Variants in MPP7 observed in about 807,000 individuals in gnomAD.
MPP7 encodes the protein MAGUK p55 scaffold protein 7.
MPP7 carries 60 observed loss-of-function variants against 76.5 expected under a neutral mutation model. The ratio of observed to expected loss-of-function variants is 0.78; its 90% CI spans 0.64 to 0.97. The LOEUF is 0.97. Ranked by LOEUF, MPP7 falls within the 50% of genes least tolerant of loss-of-function variation. The probability of loss-of-function intolerance (pLI) is 0.00; values close to 1 mark genes in which losing one functional copy is unlikely to be tolerated. For missense variants in MPP7, 641 were observed against 694.0 expected (o/e 0.92, Z 0.86); for synonymous variants, 237 against 244.5 (o/e 0.97, Z 0.29).
At chr10:28,196,856 TTCAC>T (rs1467589086) in intron 3 of MPP7, among the ~76,000 whole-genome samples, 3 of 152,184 alleles carry the variant, frequency 2.0e-5, no homozygotes, top group African/African-American at 7.2e-5. Context: ...CCATCCAGTC[TTCAC>T]TGTTTACCTC....
intron 2 of MPP7, among the ~76,000 whole-genome samples, chr10:28,325,705 A>G (rs967317193): frequency 6.6e-5 from 10 of 151,582 alleles, no homozygotes; most frequent in African/African-American, 2.4e-4. Flanking sequence ...TGTTGGCCAC[A>G]CTGGTCTCAA....
intron 5 of MPP7, among the ~76,000 whole-genome samples, chr10:28,137,013 C>T (rs1835373080): frequency 6.6e-6 from 1 of 151,974 alleles, no homozygotes; most frequent in Admixed American, 6.6e-5. Flanking sequence ...TCAATGTACC[C>T]AAGCACAAAG....
At chr10:28,188,630 T>G (rs1262935473) in intron 3 of MPP7, among the ~76,000 whole-genome samples, 1 of 152,192 alleles carries the variant, frequency 6.6e-6, no homozygotes, top group Admixed American at 6.5e-5. Context: ...AAAGTTTACC[T>G]TAGTTGAATT....
At position 28,097,712 on chromosome 10, in the gene MPP7, A is replaced by C. The variant is rs544593286; in HGVS notation, c.953-7871T>G. ...CCAACGGTTTAACTTAGGGATTAAAAACATAATTTTTTCCTGATAGAAGAC... is the reference window on the plus strand; with the variant it reads ...CCAACGGTTTAACTTAGGGATTAAACACATAATTTTTTCCTGATAGAAGAC... On this transcript the variant is annotated intron_variant, in intron 11 of 16. Coordinates refer to ENST00000683449, the MANE Select transcript of MPP7 (RefSeq NM_001318170.2). Among the ~76,000 whole-genome samples, 4 of 152,338 alleles carry C rather than the reference A, an allele frequency of 2.6e-5. No homozygotes were observed. The East Asian group carries it at 7.7e-4, about 29-fold the overall frequency.
At chr10:28,298,844 C>T (rs1433255863) in intron 1 of MPP7, among the ~76,000 whole-genome samples, 1 of 152,248 alleles carries the variant, frequency 6.6e-6, no homozygotes, top group Non-Finnish European at 1.5e-5. Flanking sequence ...TCTATATCAG[C>T]ATTTGCTGCT....
At chr10:28,215,758 T>G (rs1317549613) in intron 2 of MPP7, among the ~76,000 whole-genome samples, 1 of 152,202 alleles carries the variant, frequency 6.6e-6, no homozygotes, top group Non-Finnish European at 1.5e-5. Context: ...GGTATAGTCA[T>G]GCTAACCTTA....
chr10:28,215,676 T>C lies in MPP7; in HGVS notation c.38-13405A>G, dbSNP rs540442149. Among the ~76,000 whole-genome samples, 11 of 152,182 alleles carry C rather than the reference T, an allele frequency of 7.2e-5. No homozygotes were observed. The East Asian group carries it at 2.1e-3, about 29-fold the overall frequency. ...AGACTCTAGAGCCATGCGACATAATTACAAATCCCAGCTCTGCAACTGGGC... is the reference window on the plus strand; with the variant it reads ...AGACTCTAGAGCCATGCGACATAATCACAAATCCCAGCTCTGCAACTGGGC... On this transcript the variant is annotated intron_variant, in intron 2 of 16. Transcript: ENST00000683449.
intron 2 of MPP7, among the ~76,000 whole-genome samples, chr10:28,314,349 A>G (rs1036993558): frequency 2.0e-5 from 3 of 152,324 alleles, no homozygotes; most frequent in East Asian, 1.9e-4. Context: ...GGCCCTGTCC[A>G]TCTCCAGTGT....
intron 13 of MPP7, among the ~76,000 whole-genome samples, chr10:28,067,131 A>G (rs965729038): frequency 1.2e-4 from 19 of 152,210 alleles, no homozygotes; most frequent in African/African-American, 4.1e-4. Context: ...TAGTTTTCCA[A>G]AATGATTGTG....
intron 3 of MPP7, among the ~76,000 whole-genome samples, chr10:28,173,549 G>T (rs1239888310): frequency 6.6e-6 from 1 of 152,202 alleles, no homozygotes; most frequent in African/African-American, 2.4e-5. Context: ...GAAGCGTCCT[G>T]AGACCCTCAT....
At chr10:28,322,574 G>A (rs990679926) in intron 2 of MPP7, among the ~76,000 whole-genome samples, 17 of 152,060 alleles carry the variant, frequency 1.1e-4, no homozygotes, top group East Asian at 7.8e-4. Flanking sequence ...GTCTCTCTTC[G>A]CCGCTGTCTC....
chr10:28,057,611 T>A (rs904310131), intron 15 of MPP7: 1 of 266,774 alleles, frequency 3.7e-6, no homozygotes, highest in Middle Eastern at 1.5e-3. Flanking sequence ...ACCTCTTTTT[T>A]TTTTTTTTTT....
intron 3 of MPP7, among the ~76,000 whole-genome samples, chr10:28,172,375 G>A (rs1282140752): frequency 6.6e-6 from 1 of 152,234 alleles, no homozygotes; most frequent in Non-Finnish European, 1.5e-5. Context: ...GCTGATTTAT[G>A]TAGGAAGGTT....
intron 6 of MPP7, among the ~76,000 whole-genome samples, chr10:28,126,345 A>T (rs1415637164): frequency 6.6e-6 from 1 of 152,216 alleles, no homozygotes; most frequent in Non-Finnish European, 1.5e-5. Context: ...CAATATAACT[A>T]ATTAGTTTGA....
At chr10:28,123,673 T>G (rs1447477992) in intron 8 of MPP7, among the ~76,000 whole-genome samples, 1 of 152,008 alleles carries the variant, frequency 6.6e-6, no homozygotes, top group African/African-American at 2.4e-5. Context: ...GGTTTCACCA[T>G]GTTGGCCAGG....
intron 11 of MPP7, among the ~76,000 whole-genome samples, chr10:28,096,595 A>T (rs1479933543): frequency 2.6e-5 from 4 of 152,198 alleles, no homozygotes; most frequent in African/African-American, 7.2e-5. Context: ...TTTAACTGTC[A>T]TCATAAAGAA....
chr10:28,081,156 G>C (rs1054558298), intron 12 of MPP7, among the ~76,000 whole-genome samples: 6 of 152,190 alleles, frequency 3.9e-5, no homozygotes, highest in Non-Finnish European at 5.9e-5. Flanking sequence ...TTTATTATTA[G>C]TTTCTCTTGT....
intron 1 of MPP7, among the ~76,000 whole-genome samples, chr10:28,259,169 A>G (rs996259972): frequency 6.6e-6 from 1 of 152,190 alleles, no homozygotes; most frequent in East Asian, 1.9e-4. Flanking sequence ...CACACTTTTG[A>G]TCATTCATAT....
At chr10:28,160,962 C>A (rs1005409507) in intron 3 of MPP7, among the ~76,000 whole-genome samples, 5 of 152,176 alleles carry the variant, frequency 3.3e-5, no homozygotes, top group Non-Finnish European at 5.9e-5. Flanking sequence ...TTTGCTCAAT[C>A]CCTTAATGTT....
Sources: gnomAD v4.1 joint callset for allele counts (sites outside exome capture counted in the v4.1 genomes callset) on GRCh38, gnomAD v4.1.1 for gene constraint, MANE v1.5 for transcripts, NCBI Gene and HGNC (gene_info 2026-07-23, HGNC 2026-07-21) for gene names.